The following PTN variants were observed in gnomAD, a reference collection of about 807,000 sequenced individuals.
The protein encoded by PTN is heparin affin regulatory protein.
In PTN, 18 loss-of-function variants were observed where a neutral mutation model predicts 24.1. That is an observed-to-expected ratio of 0.75 (90% CI 0.52 to 1.11). PTN has a LOEUF of 1.11. Among genes scored for constraint, PTN ranks in the 50% least tolerant of loss-of-function variants. PTN has a pLI of 0.00. For missense variants in PTN, 163 were observed against 198.8 expected (o/e 0.82, Z 1.08); for synonymous variants, 78 against 68.6 (o/e 1.14, Z -0.67).
intron 1 of PTN, among the ~76,000 whole-genome samples, chr7:137,293,086 T>C (rs1318547748): frequency 6.6e-6 from 1 of 152,162 alleles, no homozygotes. Flanking sequence ...CCATTTTGCA[T>C]TCTTATCAAA....
At position 137,238,185 on chromosome 7, in the gene PTN, G is replaced by C. The variant is rs1481447495; in HGVS notation, c.452-10110C>G. The stretch of plus-strand genomic sequence containing the variant: ...CAGTGAGAAGCAGAGCAGACTGGGA[G>C]TGTGCCAAGTGTCCCCACCAGCAGT... On this transcript the variant is annotated intron_variant, in intron 4 of 4. Coordinates refer to ENST00000348225, the MANE Select transcript of PTN (RefSeq NM_002825.7). Among the ~76,000 whole-genome samples, 2 of 152,162 alleles carry C rather than the reference G, an allele frequency of 1.3e-5. 1 individual carries two copies. The highest frequency in any genetic ancestry group is 4.8e-5 in the African/African-American group (2 of 41,446).
At chr7:137,322,150 G>T (rs752666129) in intron 1 of PTN, among the ~76,000 whole-genome samples, 3 of 151,920 alleles carry the variant, frequency 2.0e-5, no homozygotes, top group Non-Finnish European at 1.5e-5. Context: ...CTGAAATTTT[G>T]CCTACTTATT....
intron 1 of PTN, among the ~76,000 whole-genome samples, chr7:137,303,400 C>T (rs967394782): frequency 2.6e-5 from 4 of 151,846 alleles, no homozygotes; most frequent in African/African-American, 9.7e-5. Flanking sequence ...TTCCCACAGA[C>T]AAAACTAGAA....
chr7:137,301,827 A>G (rs1809811056), intron 1 of PTN, among the ~76,000 whole-genome samples: 1 of 151,996 alleles, frequency 6.6e-6, no homozygotes, highest in African/African-American at 2.4e-5. Context: ...AAAATTTTTA[A>G]AAGTATCTTG....
intron 1 of PTN, among the ~76,000 whole-genome samples, chr7:137,274,386 A>C (rs956995867): frequency 1.3e-5 from 2 of 152,180 alleles, no homozygotes; most frequent in Non-Finnish European, 2.9e-5. Flanking sequence ...TATATACTTT[A>C]AGTTCTGGGG....
At chr7:137,228,333 T>C (rs1436963490) in intron 4 of PTN, among the ~76,000 whole-genome samples, 1 of 151,784 alleles carries the variant, frequency 6.6e-6, no homozygotes, top group African/African-American at 2.4e-5. Flanking sequence ...CCTGCTTCTG[T>C]GTTAATTCTA....
intron 1 of PTN, among the ~76,000 whole-genome samples, chr7:137,284,404 C>T (rs2128876475): frequency 6.6e-6 from 1 of 152,122 alleles, no homozygotes; most frequent in South Asian, 2.1e-4. Context: ...AACTTTCTTT[C>T]CTTGGAAGCA....
chr7:137,298,228 A>T (rs1027822631), intron 1 of PTN, among the ~76,000 whole-genome samples: 2 of 152,012 alleles, frequency 1.3e-5, no homozygotes, highest in Non-Finnish European at 2.9e-5. Flanking sequence ...TTAAATTTTG[A>T]TTGAACTAAT....
intron 1 of PTN, among the ~76,000 whole-genome samples, chr7:137,304,552 G>A (rs868022967): frequency 1.3e-5 from 2 of 151,834 alleles, no homozygotes; most frequent in South Asian, 2.1e-4. Context: ...TAAAAAACAG[G>A]GAGGGCAAAA....
At chr7:137,307,817 T>C (rs1232315280) in intron 1 of PTN, among the ~76,000 whole-genome samples, 1 of 152,130 alleles carries the variant, frequency 6.6e-6, no homozygotes, top group African/African-American at 2.4e-5. Context: ...AAGTCACTGA[T>C]GAAGGGCAGA....
intron 1 of PTN, among the ~76,000 whole-genome samples, chr7:137,302,397 C>T (rs1377031288): frequency 6.6e-6 from 1 of 151,880 alleles, no homozygotes; most frequent in Non-Finnish European, 1.5e-5. Flanking sequence ...AATGTGGTTG[C>T]TTTTAAAATA....
At chr7:137,298,432 G>A (rs915319451) in intron 1 of PTN, among the ~76,000 whole-genome samples, 6 of 151,048 alleles carry the variant, frequency 4.0e-5, no homozygotes, top group African/African-American at 1.5e-4. Flanking sequence ...CAAATTTTAT[G>A]ATCCTTCCAC....
intron 4 of PTN, among the ~76,000 whole-genome samples, 180 bp from the exon 5 acceptor site, chr7:137,228,255 G>GTGTC (rs955623175): frequency 7.4e-4 from 113 of 151,904 alleles, no homozygotes; most frequent in Middle Eastern, 3.4e-3. Flanking sequence ...GTGTGTGTGT[G>GTGTC]TGTCTGTCTG....
chr7:137,292,431 C>T (rs1206101062), intron 1 of PTN, among the ~76,000 whole-genome samples: 1 of 152,054 alleles, frequency 6.6e-6, no homozygotes, highest in Non-Finnish European at 1.5e-5. Flanking sequence ...GTGAATAAGT[C>T]TCATGAGATC....
At chr7:137,305,988 C>G (rs1395702072) in intron 1 of PTN, among the ~76,000 whole-genome samples, 1 of 152,066 alleles carries the variant, frequency 6.6e-6, no homozygotes, top group Non-Finnish European at 1.5e-5. Context: ...GCTTCCTTAC[C>G]TCCTCCCCTT....
chr7:137,241,072 T>C (rs1039158778), intron 4 of PTN, among the ~76,000 whole-genome samples: 7 of 152,146 alleles, frequency 4.6e-5, no homozygotes, highest in Non-Finnish European at 7.4e-5. Context: ...ACATTTTACA[T>C]GGCAGCAGGA....
chr7:137,252,023 A>G lies in PTN; in HGVS notation c.290-632T>C, dbSNP rs143793666. Reference sequence around the variant, plus strand: ...ATGTATAGGTTTTTGTGGAAACATCAGTTTTCATTTCTCTGAGATAAATTA... The same window carrying G: ...ATGTATAGGTTTTTGTGGAAACATCGGTTTTCATTTCTCTGAGATAAATTA... On this transcript the variant is annotated intron_variant, in intron 3 of 4. Coordinates refer to ENST00000348225, the MANE Select transcript of PTN (RefSeq NM_002825.7). Among the ~76,000 whole-genome samples, 464 of 152,036 alleles carry G rather than the reference A, an allele frequency of 3.1e-3. 21 individuals carry two copies. The highest frequency in any genetic ancestry group is 0.011 in the African/African-American group (443 of 41,294).
intron 1 of PTN, among the ~76,000 whole-genome samples, chr7:137,338,419 T>C (rs934100374): frequency 2.0e-5 from 3 of 152,142 alleles, no homozygotes; most frequent in African/African-American, 7.2e-5. Context: ...GAATCAGGAG[T>C]TCAATTTCCC....
chr7:137,252,832 T>C (rs1808851989), intron 3 of PTN, among the ~76,000 whole-genome samples: 1 of 149,170 alleles, frequency 6.7e-6, no homozygotes, highest in Non-Finnish European at 1.5e-5. Flanking sequence ...GATAGATAGA[T>C]CAGGCCAGCA....
Sources: allele counts gnomAD v4.1 joint callset (sites outside exome capture counted in the v4.1 genomes callset), GRCh38; gene constraint gnomAD v4.1.1; transcripts MANE v1.5; gene names NCBI Gene and HGNC (gene_info 2026-07-23, HGNC 2026-07-21).